Variants in SEMA5A observed in about 807,000 individuals in gnomAD.
SEMA5A encodes the protein semaphorin-5A.
SEMA5A carries 55 observed loss-of-function variants against 135.5 expected under a neutral mutation model. That is an observed-to-expected ratio of 0.41 (90% CI 0.33 to 0.51). SEMA5A has a LOEUF of 0.51. SEMA5A is among the 20% of genes least tolerant of loss of function. SEMA5A has a pLI of 0.37. For synonymous variants in SEMA5A, 580 were observed against 546.5 expected (o/e 1.06, Z -0.85); for missense variants, 1,290 against 1,419.9 (o/e 0.91, Z 1.47).
intron 3 of SEMA5A, among the ~76,000 whole-genome samples, chr5:9,376,211 G>A (rs1755355867): frequency 6.6e-6 from 1 of 152,090 alleles, no homozygotes; most frequent in Non-Finnish European, 1.5e-5. Context: ...TCCAATGCCA[G>A]GCACCTCCGA....
At chr5:9,078,718 A>G (rs1738206957) in intron 16 of SEMA5A, among the ~76,000 whole-genome samples, 1 of 152,190 alleles carries the variant, frequency 6.6e-6, no homozygotes, top group African/African-American at 2.4e-5. Flanking sequence ...ATACTTGTAT[A>G]GGACCAAACT....
At chr5:9,334,354 T>C (rs1753288499) in intron 4 of SEMA5A, among the ~76,000 whole-genome samples, 1 of 152,258 alleles carries the variant, frequency 6.6e-6, no homozygotes, top group Non-Finnish European at 1.5e-5. Flanking sequence ...GGCTGGGTTA[T>C]TTTTAAAGTT....
At chr5:9,249,223 G>A (rs2150483729) in intron 5 of SEMA5A, among the ~76,000 whole-genome samples, 1 of 152,302 alleles carries the variant, frequency 6.6e-6, no homozygotes, top group East Asian at 1.9e-4. Context: ...GTTTGTGTAA[G>A]GTAAGCTTAC....
At chr5:9,118,036 A>T (rs571802830) in intron 15 of SEMA5A, among the ~76,000 whole-genome samples, 1 of 152,354 alleles carries the variant, frequency 6.6e-6, no homozygotes, top group East Asian at 1.9e-4. Context: ...GTAAATACCT[A>T]ATAGAGAGCT....
intron 3 of SEMA5A, among the ~76,000 whole-genome samples, chr5:9,376,332 C>T (rs1290909489): frequency 6.6e-6 from 1 of 152,218 alleles, no homozygotes; most frequent in Admixed American, 6.5e-5. Context: ...AATGCTCCCT[C>T]TCTCACTTCA....
At chr5:9,191,453 C>T (rs1033826295) in intron 10 of SEMA5A, among the ~76,000 whole-genome samples, 2 of 152,144 alleles carry the variant, frequency 1.3e-5, no homozygotes, top group Non-Finnish European at 2.9e-5. Context: ...AACTTTAATT[C>T]CTGGTACAAA....
chr5:9,426,048 C>T (rs1757634916), intron 2 of SEMA5A, among the ~76,000 whole-genome samples: 2 of 152,128 alleles, frequency 1.3e-5, no homozygotes. Context: ...ACAGGAAGTG[C>T]TCAGATAATG....
At chr5:9,448,707 C>A (rs1758523345) in intron 1 of SEMA5A, among the ~76,000 whole-genome samples, 1 of 152,226 alleles carries the variant, frequency 6.6e-6, no homozygotes. Flanking sequence ...GGCTTGACTT[C>A]ATCACTGAAG....
chr5:9,202,750 A>C (rs566215723), intron 8 of SEMA5A, among the ~76,000 whole-genome samples: 2 of 152,312 alleles, frequency 1.3e-5, no homozygotes, highest in African/African-American at 4.8e-5. Context: ...AGGACGTTAA[A>C]AATGTTTTCA....
At position 9,489,059 on chromosome 5, in the gene SEMA5A, A is replaced by T. The variant is rs1252593308; in HGVS notation, c.-174-51207T>A. On this transcript the variant is annotated intron_variant, in intron 1 of 22. Coordinates refer to ENST00000382496, the MANE Select transcript of SEMA5A (RefSeq NM_003966.3). ...AGTATCAGGCCTCTGAATAACGTGAAATCTTGGGCAGGGCTCATGTACCAT... is the reference window on the plus strand; with the variant it reads ...AGTATCAGGCCTCTGAATAACGTGATATCTTGGGCAGGGCTCATGTACCAT... Among the ~76,000 whole-genome samples the T allele has an allele frequency of 2.0e-5, 3 of 152,074 alleles. No individual in the cohort carries two copies. The East Asian group carries it at 5.8e-4, about 29-fold the overall frequency.
At chr5:9,480,569 A>G (rs1759837783) in intron 1 of SEMA5A, among the ~76,000 whole-genome samples, 1 of 152,188 alleles carries the variant, frequency 6.6e-6, no homozygotes, top group South Asian at 2.1e-4. Context: ...TGAATACGCC[A>G]TGTCTATTCT....
chr5:9,149,686 C>T (rs1742528029), intron 12 of SEMA5A, among the ~76,000 whole-genome samples: 1 of 152,044 alleles, frequency 6.6e-6, no homozygotes, highest in South Asian at 2.1e-4. Context: ...AATCAGCGGC[C>T]CTCCCATCAC....
chr5:9,256,312 G>A (rs192946063), intron 5 of SEMA5A, among the ~76,000 whole-genome samples: 1 of 152,108 alleles, frequency 6.6e-6, no homozygotes, highest in Non-Finnish European at 1.5e-5. Context: ...CTGACCCCGT[G>A]TGTCACCATT....
At chr5:9,349,540 C>T (rs1019920024) in intron 3 of SEMA5A, among the ~76,000 whole-genome samples, 1 of 152,134 alleles carries the variant, frequency 6.6e-6, no homozygotes, top group Non-Finnish European at 1.5e-5. Flanking sequence ...AAAGCAGCAC[C>T]ATCCAATGAA....
intron 2 of SEMA5A, among the ~76,000 whole-genome samples, chr5:9,396,257 C>CACACAT (rs1756397244): frequency 6.6e-6 from 1 of 151,820 alleles, no homozygotes; most frequent in African/African-American, 2.4e-5. Flanking sequence ...CACACACACA[C>CACACAT]ACACACACAC....
At chr5:9,050,782 C>A (rs1040967845) in intron 20 of SEMA5A, among the ~76,000 whole-genome samples, 6 of 152,206 alleles carry the variant, frequency 3.9e-5, no homozygotes, top group Non-Finnish European at 5.9e-5. Flanking sequence ...CCACTCTGCC[C>A]AACACACAGA....
intron 13 of SEMA5A, among the ~76,000 whole-genome samples, chr5:9,132,785 T>C (rs1741505315): frequency 6.6e-6 from 1 of 152,220 alleles, no homozygotes; most frequent in South Asian, 2.1e-4. Context: ...GTAACTCTTA[T>C]TGCACTCAAT....
At chr5:9,346,916 A>G (rs701495) in intron 3 of SEMA5A, among the ~76,000 whole-genome samples, 5,876 of 79,104 alleles carry the variant, frequency 0.074, 141 homozygotes, top group African/African-American at 0.13. Context: ...GTGTGTGTGT[A>G]TATATATATA....
In SEMA5A at chr5:9,204,099, G is replaced by C. The variant is rs1289178004; in HGVS notation, c.647-1859C>G. Among the ~76,000 whole-genome samples, 1 of 152,054 alleles carries C rather than the reference G, an allele frequency of 6.6e-6. No individual in the cohort carries two copies. The highest frequency in any genetic ancestry group is 1.9e-4 in the East Asian group (1 of 5,198). ...AACCATGTGTAAAGAAAATAATACT[G>C]GCATGTCTAATTCTAAATAAGAGTC... On this transcript the variant is annotated intron_variant, in intron 8 of 22. Transcript: ENST00000382496. The surrounding 1 kb of genome is among the most constrained non-coding windows in gnomAD (Gnocchi z 6.4).
Sources: allele counts gnomAD v4.1 joint callset (sites outside exome capture counted in the v4.1 genomes callset), GRCh38; gene constraint gnomAD v4.1.1; non-coding constraint Gnocchi (gnomAD v3.1); transcripts MANE v1.5; gene names NCBI Gene and HGNC (gene_info 2026-07-23, HGNC 2026-07-21).